The following ABCG2 variants were observed in gnomAD, a reference collection of about 807,000 sequenced individuals.
ABCG2 encodes broad substrate specificity ATP-binding cassette transporter ABCG2.
In ABCG2, 80 loss-of-function variants were observed where a neutral mutation model predicts 73.5. The ratio of observed to expected loss-of-function variants is 1.09; its 90% CI spans 0.91 to 1.31. ABCG2 has a LOEUF of 1.31. Among genes scored for constraint, ABCG2 ranks in the 50% most tolerant of loss-of-function variants. The probability of loss-of-function intolerance (pLI) is 0.00; values close to 1 mark genes in which losing one functional copy is unlikely to be tolerated. For missense variants in ABCG2, 796 were observed against 786.2 expected, an observed-to-expected ratio of 1.01 and a Z score of -0.15; for synonymous variants, 269 against 282.4, an observed-to-expected ratio of 0.95 and a Z score of 0.48.
At chr4:88,112,086 T>TA (rs70957300) in intron 9 of ABCG2, among the ~76,000 whole-genome samples, 58,185 of 142,334 alleles carry the variant, frequency 0.41, 13,019 homozygotes, top group Middle Eastern at 0.51. Flanking sequence ...ACCCAGTCTC[T>TA]AAAAAAAAAA....
intron 1 of ABCG2, 74 bp from the exon 2 acceptor site, chr4:88,140,088 T>A: frequency 8.0e-7 from 1 of 1,253,820 alleles, no homozygotes; most frequent in Non-Finnish European, 1.1e-6. Context: ...ACAATACATT[T>A]AAAACAAGTC....
intron 8 of ABCG2, 137 bp downstream of exon 8, chr4:88,114,820 A>C (rs1723413324): frequency 3.6e-6 from 2 of 558,528 alleles, no homozygotes. Context: ...CACAGACAAC[A>C]AAATATTTGT....
intron 1 of ABCG2, among the ~76,000 whole-genome samples, chr4:88,176,188 T>A (rs551727425): frequency 6.6e-6 from 1 of 151,348 alleles, no homozygotes; most frequent in African/African-American, 2.4e-5. Context: ...GGAGACAGGG[T>A]CTTGCCATGT....
At chr4:88,154,300 G>A (rs530810094) in intron 1 of ABCG2, among the ~76,000 whole-genome samples, 1 of 152,316 alleles carries the variant, frequency 6.6e-6, no homozygotes, top group Non-Finnish European at 1.5e-5. Flanking sequence ...GCTTTGAGAA[G>A]CGTTTTTATT....
chr4:88,146,159 C>T (rs1725982333), intron 1 of ABCG2, among the ~76,000 whole-genome samples: 1 of 152,110 alleles, frequency 6.6e-6, no homozygotes, highest in African/African-American at 2.4e-5. Context: ...AACCTGCCCA[C>T]CCTCCTTGGG....
In ABCG2 at chr4:88,192,160, G is replaced by A. The variant is rs367578830; in HGVS notation, c.-20+38834C>T. ...CGTGTCACTGCACTCCAGCCTGGGC[G>A]ACAGAGCAAAACTCTGTGTCAAGAA... is the stretch of plus-strand genomic sequence containing the variant. On this transcript the variant is annotated intron_variant, in intron 1 of 15. Transcript: ENST00000515655. Among the ~76,000 whole-genome samples the A allele has an allele frequency of 1.1e-3, 161 of 149,164 alleles. 1 individual carries two copies. The highest frequency in any genetic ancestry group is 3.7e-3 in the African/African-American group (150 of 40,392).
At chr4:88,117,295 G>C (rs1723643880) in intron 7 of ABCG2, among the ~76,000 whole-genome samples, 1 of 151,466 alleles carries the variant, frequency 6.6e-6, no homozygotes, top group Non-Finnish European at 1.5e-5. Flanking sequence ...ACTCCAGCCT[G>C]GGTGACACAG....
At chr4:88,096,223 A>T (rs1287353463) in intron 13 of ABCG2, among the ~76,000 whole-genome samples, 1 of 152,228 alleles carries the variant, frequency 6.6e-6, no homozygotes, top group Admixed American at 6.5e-5. Context: ...GCCAAAAAGC[A>T]ATAGCGCAAT....
At chr4:88,150,289 C>T (rs1392498123) in intron 1 of ABCG2, among the ~76,000 whole-genome samples, 1 of 152,174 alleles carries the variant, frequency 6.6e-6, no homozygotes, top group African/African-American at 2.4e-5. Flanking sequence ...TGCACTCCAA[C>T]CTGGGCAACA....
intron 1 of ABCG2, among the ~76,000 whole-genome samples, chr4:88,227,322 G>A (rs1730260284): frequency 6.6e-6 from 1 of 152,064 alleles, no homozygotes; most frequent in African/African-American, 2.4e-5. Flanking sequence ...CTTGAACCCA[G>A]GAGATGGAGG....
intron 1 of ABCG2, among the ~76,000 whole-genome samples, chr4:88,200,656 G>A (rs189209861): frequency 5.7e-4 from 86 of 152,170 alleles, no homozygotes; most frequent in African/African-American, 1.7e-3. Context: ...TGGACTACAG[G>A]TGCCTGTCAC....
intron 1 of ABCG2, among the ~76,000 whole-genome samples, chr4:88,190,514 T>C (rs1422478176): frequency 6.6e-6 from 1 of 152,208 alleles, no homozygotes; most frequent in East Asian, 1.9e-4. Context: ...AGTGCACAAT[T>C]CCCTTGAAGA....
intron 5 of ABCG2, among the ~76,000 whole-genome samples, chr4:88,127,973 A>G (rs1724553579): frequency 6.6e-6 from 1 of 151,476 alleles, no homozygotes; most frequent in Admixed American, 6.6e-5. Context: ...AAAAAAAACT[A>G]TCTTCAGAGT....
intron 1 of ABCG2, among the ~76,000 whole-genome samples, chr4:88,167,410 G>A (rs1445048576): frequency 8.3e-6 from 1 of 120,574 alleles, no homozygotes; most frequent in Non-Finnish European, 1.6e-5. Flanking sequence ...GTCTCGCCCT[G>A]TTGCCCAGGC....
At position 88,112,076 on chromosome 4, in the gene ABCG2, A is replaced by T. The variant is rs2110004210; in HGVS notation, c.1194+1227T>A. Reference sequence around the variant, plus strand: ...ACTCCAGTATGAGTGACAGAGTGAGACCCAGTCTCTAAAAAAAAAAAAATG... The same window carrying T: ...ACTCCAGTATGAGTGACAGAGTGAGTCCCAGTCTCTAAAAAAAAAAAAATG... On this transcript the variant is annotated intron_variant, in intron 9 of 15. Coordinates refer to ENST00000237612, the MANE Select transcript of ABCG2 (RefSeq NM_004827.3). 1.4e-5 allele frequency among the ~76,000 whole-genome samples: 2 copies of T among 141,900 alleles called. 1 individual carries two copies. 93.1% of individuals were successfully genotyped at this position (141,900 alleles called of 152,430 possible).
chr4:88,178,671 A>G (rs916625979), intron 1 of ABCG2, among the ~76,000 whole-genome samples: 4 of 152,132 alleles, frequency 2.6e-5, no homozygotes, highest in East Asian at 3.9e-4. Context: ...GACCTGCCCT[A>G]AGCCAGAGGG....
At chr4:88,194,668 G>A (rs1301046478) in intron 1 of ABCG2, among the ~76,000 whole-genome samples, 4 of 148,600 alleles carry the variant, frequency 2.7e-5, no homozygotes, top group African/African-American at 9.9e-5. Flanking sequence ...ATAAATAAAT[G>A]TCTATTTTTT....
At chr4:88,106,871 G>A (rs1379446916) in intron 10 of ABCG2, among the ~76,000 whole-genome samples, 1 of 152,120 alleles carries the variant, frequency 6.6e-6, no homozygotes, top group Non-Finnish European at 1.5e-5. Context: ...GTGCGACCCC[G>A]TCTCTACTAA....
At chr4:88,190,236 T>G in intron 1 of ABCG2, among the ~76,000 whole-genome samples, 1 of 152,212 alleles carries the variant, frequency 6.6e-6, no homozygotes, top group East Asian at 1.9e-4. Context: ...TTCCTTCTCT[T>G]TGATGCCTAA....
Sources: gnomAD v4.1 joint callset for allele counts (sites outside exome capture counted in the v4.1 genomes callset) on GRCh38, gnomAD v4.1.1 for gene constraint, MANE v1.5 for transcripts, NCBI Gene and HGNC (gene_info 2026-07-23, HGNC 2026-07-21) for gene names.